Variants in EEF2KMT observed in about 807,000 individuals in gnomAD.
EEF2KMT encodes the protein eukaryotic elongation factor 2 lysine methyltransferase.
EEF2KMT carries 30 observed loss-of-function variants against 35.1 expected under a neutral mutation model. The ratio of observed to expected loss-of-function variants is 0.85; its 90% CI spans 0.64 to 1.16. The LOEUF is 1.16. Ranked by LOEUF, EEF2KMT falls within the 50% of genes most tolerant of loss-of-function variation. EEF2KMT has a pLI of 0.00. For synonymous variants in EEF2KMT, 190 were observed against 187.7 expected, an observed-to-expected ratio of 1.01 and a Z score of -0.10; for missense variants, 499 against 438.2, an observed-to-expected ratio of 1.14 and a Z score of -1.24.
At chr16:5,095,348 G>C (rs1957433654) in intron 2 of EEF2KMT, 104 bp downstream of exon 2, 6 of 1,567,962 alleles carry the variant, frequency 3.8e-6, no homozygotes, top group Non-Finnish European at 5.2e-6. Context: ...TTTTGAACAG[G>C]GGTGTTTTTA....
chr16:5,097,487 G>A, intron 1 of EEF2KMT, 157 bp downstream of exon 1: 1 of 1,429,586 alleles, frequency 7.0e-7, no homozygotes, highest in Admixed American at 2.5e-5. Context: ...ACTCTGGCCA[G>A]GCCCCAGGGA....
intron 3 of EEF2KMT, among the ~76,000 whole-genome samples, chr16:5,092,995 TC>T (rs1219741904): frequency 1.3e-5 from 2 of 152,074 alleles, no homozygotes; most frequent in African/African-American, 4.8e-5. Context: ...ATAAAATTCA[TC>T]CTTTATCAGT....
rs1318656327 is a variant in EEF2KMT at position 5,084,823 on chromosome 16, A to G, written c.*809T>C. 6.3e-7 allele frequency: 1 copy of G among 1,596,474 alleles called. No homozygotes were observed. Among genetic ancestry groups the G allele is most frequent in the Non-Finnish European group, 8.5e-7 (1 of 1,179,772 alleles). ...CGGAAGAACCTGCGGGAGTCGCAGC[A>G]GCTCCGATGGGATGAGAGCTGGGTG... On this transcript the variant is annotated 3_prime_UTR_variant, in exon 8 of 8. Transcript: ENST00000427587.
chr16:5,088,492 T>TGAGA (rs1693917811), intron 7 of EEF2KMT, among the ~76,000 whole-genome samples: 1 of 151,620 alleles, frequency 6.6e-6, no homozygotes, highest in Admixed American at 6.6e-5. Flanking sequence ...TGTGGAGGCG[T>TGAGA]GAGAGCCAGG....
In EEF2KMT at chr16:5,090,040, T is replaced by G. The variant is rs1191013127; in HGVS notation, c.742+44A>C. 1 of 1,598,430 alleles carries G rather than the reference T, an allele frequency of 6.3e-7. No homozygotes were observed. The highest frequency in any genetic ancestry group is 8.5e-7 in the Non-Finnish European group (1 of 1,179,606). On this transcript the variant is annotated intron_variant, in intron 6 of 7. Coordinates refer to ENST00000427587, the MANE Select transcript of EEF2KMT (RefSeq NM_201400.4). This position sits in a 1 kb window ranked among gnomAD's most constrained non-coding sequence, Gnocchi z 4.1. ...CCCAGAGCCAAGAGCTGGGTAGAGC[T>G]GCAAGGACACCACCTGCACAGGGTG...
At chr16:5,096,015 C>T (rs983185958) in intron 1 of EEF2KMT, among the ~76,000 whole-genome samples, 20 of 152,158 alleles carry the variant, frequency 1.3e-4, no homozygotes, top group Admixed American at 5.2e-4. Context: ...AAAGGCCCTA[C>T]AAGACCTGGT....
At chr16:5,094,315 T>G (rs1957406448) in intron 2 of EEF2KMT, among the ~76,000 whole-genome samples, 1 of 152,168 alleles carries the variant, frequency 6.6e-6, no homozygotes, top group Non-Finnish European at 1.5e-5. Flanking sequence ...CAGGCTGGAG[T>G]GCAGTGGCCC....
At chr16:5,091,727 G>A (rs866791419) in intron 4 of EEF2KMT, 67 bp downstream of exon 4, 4 of 1,601,406 alleles carry the variant, frequency 2.5e-6, no homozygotes, top group Admixed American at 3.4e-5. Flanking sequence ...CCACACCCAC[G>A]TTTTCACTTT....
chr16:5,089,289 C>G, intron 6 of EEF2KMT, 33 bp from the exon 7 acceptor site: 1 of 1,599,300 alleles, frequency 6.3e-7, no homozygotes, highest in East Asian at 2.2e-5. Context: ...CTGAAAGGGA[C>G]CAGTGGACAG....
Position 5,089,094 on chromosome 16 carries a change from C to T in EEF2KMT, c.892+13G>A, listed in dbSNP as rs775293246. 1.6e-5 allele frequency: 25 copies of T among 1,612,036 alleles called. No homozygotes were observed. Among genetic ancestry groups the T allele is most frequent in the East Asian group, 6.7e-5 (3 of 44,880 alleles). On this transcript the variant is annotated intron_variant, in intron 7 of 7. Coordinates refer to ENST00000427587, the MANE Select transcript of EEF2KMT (RefSeq NM_201400.4). ...CAGGGACCATGCAGGCCCGGGTGGG[C>T]GTGGAGGCTCACCTAGCTCGGTGGT...
intron 2 of EEF2KMT, 167 bp downstream of exon 2, chr16:5,095,285 G>T: frequency 1.1e-6 from 1 of 925,920 alleles, no homozygotes; most frequent in Non-Finnish European, 1.7e-6. Context: ...GAAAGCGCTG[G>T]AGCTGTCAGA....
chr16:5,084,537 G>C lies in EEF2KMT; in HGVS notation c.*1095C>G. On this transcript the variant is annotated 3_prime_UTR_variant, in exon 8 of 8. Transcript: ENST00000427587. ...AGGTGCTCCAGGGCACCAAGTGTGG[G>C]AAAGTGGGACATGCGGGGAAGTTTC... The C allele has an allele frequency of 2.6e-6, 2 of 770,092 alleles. No homozygotes were observed. The highest frequency in any genetic ancestry group is 2.7e-5 in the East Asian group (1 of 37,194). The allele number at this position is 770,092 out of a possible 1,614,324, so 47.7% of individuals were successfully genotyped here.
chr16:5,096,387 A>G (rs1957465638), intron 1 of EEF2KMT, among the ~76,000 whole-genome samples: 1 of 152,178 alleles, frequency 6.6e-6, no homozygotes, highest in African/African-American at 2.4e-5. Flanking sequence ...GCAGAGCCTC[A>G]TCTGTCATGG....
intron 1 of EEF2KMT, chr16:5,097,331 C>T (rs1244086401): frequency 7.1e-7 from 1 of 1,402,734 alleles, no homozygotes; most frequent in Non-Finnish European, 9.4e-7. Flanking sequence ...CAGCTGTGTC[C>T]CAGTGACCAG....
intron 3 of EEF2KMT, among the ~76,000 whole-genome samples, chr16:5,092,469 C>G (rs1270054497): frequency 6.6e-6 from 1 of 152,202 alleles, no homozygotes; most frequent in Non-Finnish European, 1.5e-5. Context: ...CTGCCCTCTC[C>G]TGGTGGCACA....
chr16:5,091,641 A>T (rs1481629052), intron 4 of EEF2KMT, among the ~76,000 whole-genome samples, 153 bp downstream of exon 4: 1 of 152,232 alleles, frequency 6.6e-6, no homozygotes, highest in African/African-American at 2.4e-5. Context: ...TGATTTACAG[A>T]CAGGGAAACT....
chr16:5,093,279 C>T (rs1267741642), intron 3 of EEF2KMT, among the ~76,000 whole-genome samples: 1 of 152,214 alleles, frequency 6.6e-6, no homozygotes, highest in African/African-American at 2.4e-5. Context: ...CCCCAGGAGG[C>T]AGAGTGAGGG....
Position 5,090,367 on chromosome 16 carries a change from G to T in EEF2KMT, c.477-18C>A. The T allele has an allele frequency of 1.2e-6, 2 of 1,612,064 alleles. No homozygotes were observed. Among genetic ancestry groups the T allele is most frequent in the Non-Finnish European group, 1.7e-6 (2 of 1,179,854 alleles). ...GGACAGTCCTGGCGGGAGGAAAGGG[G>T]ACCGTGTCTGCGACTGCACCAGGGT... On this transcript the variant is annotated intron_variant, in intron 5 of 7. Coordinates refer to ENST00000427587, the MANE Select transcript of EEF2KMT (RefSeq NM_201400.4). This position sits in a 1 kb window ranked among gnomAD's most constrained non-coding sequence, Gnocchi z 4.1.
At chr16:5,095,119 A>T (rs959593648) in intron 2 of EEF2KMT, among the ~76,000 whole-genome samples, 2 of 152,216 alleles carry the variant, frequency 1.3e-5, no homozygotes, top group Admixed American at 6.5e-5. Flanking sequence ...AGCAAAAAAG[A>T]AAGTCTCTGA....
Sources: gnomAD v4.1 joint callset for allele counts (sites outside exome capture counted in the v4.1 genomes callset) on GRCh38, gnomAD v4.1.1 for gene constraint, Gnocchi (gnomAD v3.1) non-coding constraint, MANE v1.5 for transcripts, NCBI Gene and HGNC (gene_info 2026-07-23, HGNC 2026-07-21) for gene names.